BICRA: variants seen among roughly 807,000 people sequenced by gnomAD.
The protein encoded by BICRA is BRD4-interacting chromatin-remodeling complex-associated protein.
In BICRA, 31 loss-of-function variants were observed where a neutral mutation model predicts 96.9. That is an observed-to-expected ratio of 0.32 (90% CI 0.24 to 0.43). BICRA has a LOEUF of 0.43. Ranked by LOEUF, BICRA falls within the 20% of genes least tolerant of loss-of-function variation. BICRA has a pLI of 1.00. For synonymous variants in BICRA, 1,350 were observed against 1,071.8 expected (o/e 1.26, Z -5.07); for missense variants, 2,283 against 2,190.3 (o/e 1.04, Z -0.84).
At position 47,702,468 on chromosome 19, in the gene BICRA, T is replaced by C. The variant is rs3745760; in HGVS notation, c.*53T>C. 0.27 allele frequency: 381,652 copies of C among 1,412,996 alleles called. 55,108 individuals carry two copies. The highest frequency in any genetic ancestry group is 0.55 in the African/African-American group (35,964 of 65,790). 87.5% of individuals were successfully genotyped at this position (1,412,996 alleles called of 1,614,324 possible). A position where few individuals can be genotyped will look rare whatever the true frequency, so the allele number is the denominator to read the frequency against. Reference sequence around the variant, plus strand: ...CCTCCTCCCGAAGACGCCGGGACAGTCGGGTGTCCGCCCTCAGCCTCCTGG... The same window carrying C: ...CCTCCTCCCGAAGACGCCGGGACAGCCGGGTGTCCGCCCTCAGCCTCCTGG... On this transcript the variant is annotated 3_prime_UTR_variant, in exon 15 of 15. Transcript: ENST00000594866.
intron 1 of BICRA, among the ~76,000 whole-genome samples, chr19:47,612,071 A>G (rs2123500858): frequency 6.6e-6 from 1 of 152,160 alleles, no homozygotes; most frequent in Middle Eastern, 3.4e-3. Flanking sequence ...GGATTTCACC[A>G]TATTGGCCAG....
At chr19:47,695,618 C>T (rs1973328302) in intron 10 of BICRA, 144 bp downstream of exon 10, 6 of 609,948 alleles carry the variant, frequency 9.8e-6, no homozygotes, top group African/African-American at 7.4e-5. Flanking sequence ...CCACGAACAG[C>T]CGTGCAGGGA....
Position 47,694,207 on chromosome 19 carries a change from C to A in BICRA, c.2376C>A (p.Pro792=). Reference sequence around the variant, plus strand: ...CTCTGGGGGACAGCCCCCACCTGCCCTCCCCACACCCCACCCGGCCCCCTT... The same window carrying A: ...CTCTGGGGGACAGCCCCCACCTGCCATCCCCACACCCCACCCGGCCCCCTT... ...QAPLGDSPHL[P]SPHPTRPPSR... The change falls in exon 8 of 15, where the codon CCC becomes CCA. Residue 792 remains proline (P), a synonymous_variant. Coordinates refer to ENST00000594866, the MANE Select transcript of BICRA (RefSeq NM_001394372.1). 1.5e-6 allele frequency: 2 copies of A among 1,322,914 alleles called. No homozygotes were observed. Among genetic ancestry groups the A allele is most frequent in the Non-Finnish European group, 2.0e-6 (2 of 987,948 alleles). The allele number at this position is 1,322,914 out of a possible 1,614,324, so 81.9% of individuals were successfully genotyped here.
chr19:47,630,682 G>A (rs1972209408), intron 1 of BICRA, among the ~76,000 whole-genome samples: 1 of 152,170 alleles, frequency 6.6e-6, no homozygotes. Flanking sequence ...CTTGGGTCAT[G>A]TCCCCTTTTT....
At chr19:47,610,562 G>C (rs1355181859) in intron 1 of BICRA, among the ~76,000 whole-genome samples, 1 of 151,636 alleles carries the variant, frequency 6.6e-6, no homozygotes, top group African/African-American at 2.4e-5. Flanking sequence ...CTGGTGGGCT[G>C]CAGTCTGTGC....
chr19:47,639,424 T>C (rs2123533088), intron 1 of BICRA, among the ~76,000 whole-genome samples: 1 of 144,952 alleles, frequency 6.9e-6, no homozygotes, highest in Admixed American at 7.2e-5. Context: ...CCTCCCGGGT[T>C]GACACCATTC....
At chr19:47,619,157 A>T (rs1199495279) in intron 1 of BICRA, among the ~76,000 whole-genome samples, 3 of 151,496 alleles carry the variant, frequency 2.0e-5, no homozygotes, top group Non-Finnish European at 4.4e-5. Context: ...TTTTGTGTGT[A>T]TACTTACTCT....
intron 1 of BICRA, among the ~76,000 whole-genome samples, chr19:47,629,468 C>G (rs76724064): frequency 1.4e-4 from 21 of 152,252 alleles, no homozygotes; most frequent in Admixed American, 1.4e-3. Context: ...ATTGTATTGT[C>G]CTGAAGGCTT....
intron 1 of BICRA, among the ~76,000 whole-genome samples, chr19:47,655,082 T>G (rs923552608): frequency 4.6e-5 from 7 of 152,188 alleles, no homozygotes; most frequent in African/African-American, 1.7e-4. Context: ...GCAAAAAATT[T>G]GAGTCACCTG....
intron 1 of BICRA, among the ~76,000 whole-genome samples, chr19:47,641,271 A>T (rs537688217): frequency 6.6e-6 from 1 of 151,828 alleles, no homozygotes; most frequent in South Asian, 2.1e-4. Context: ...AGTGTGACAC[A>T]CCCATTTAAA....
Position 47,701,971 on chromosome 19 carries a change from C to T in BICRA, c.4239C>T (p.Ser1413=). The T allele has an allele frequency of 6.8e-7, 1 of 1,465,138 alleles. No individual in the cohort carries two copies. Among genetic ancestry groups the T allele is most frequent in the Non-Finnish European group, 8.9e-7 (1 of 1,118,484 alleles). 90.8% of individuals were successfully genotyped at this position (1,465,138 alleles called of 1,614,324 possible). ...GTPAGRARGG[S]PAPLPAKVDE... ...CCGCAGGCAGGGCACGGGGAGGCAGCCCGGCGCCGCTGCCCGCCAAAGTGG... is the reference window on the plus strand; with the variant it reads ...CCGCAGGCAGGGCACGGGGAGGCAGTCCGGCGCCGCTGCCCGCCAAAGTGG... Residue 1413 remains serine, a synonymous_variant, in exon 15 of 15, where the codon AGC becomes AGT. Transcript: ENST00000594866. The surrounding 1 kb of genome is among the most constrained non-coding windows in gnomAD (Gnocchi z 5.4).
chr19:47,702,142 C>T lies in BICRA; in HGVS notation c.4410C>T (p.Pro1470=), dbSNP rs773869782. 4 of 1,548,290 alleles carry T rather than the reference C, an allele frequency of 2.6e-6. No homozygotes were observed. In the African/African-American group the frequency reaches 4.2e-5, roughly 16 times the overall value. ...CCGACTGGGAGGCGCCCGGGCTGCC[C>T]CCTGCCAAGCGGCGCAAGTCCGAGT... ...GDPDWEAPGL[P]PAKRRKSESP... Residue 1470 remains proline, a synonymous_variant, in exon 15 of 15, where the codon CCC becomes CCT. Coordinates refer to ENST00000594866, the MANE Select transcript of BICRA (RefSeq NM_001394372.1).
chr19:47,695,280 G>C, intron 9 of BICRA, 85 bp from the exon 10 acceptor site: 1 of 792,552 alleles, frequency 1.3e-6, no homozygotes, highest in Non-Finnish European at 2.1e-6. Context: ...GAGAGCGGTG[G>C]GGTACAGGAT....
intron 1 of BICRA, among the ~76,000 whole-genome samples, chr19:47,614,604 G>A (rs1971956966): frequency 6.6e-6 from 1 of 152,202 alleles, no homozygotes; most frequent in East Asian, 1.9e-4. Context: ...CAGCCTGGGC[G>A]ACACAGCGAG....
intron 1 of BICRA, among the ~76,000 whole-genome samples, chr19:47,658,669 A>G (rs1190333591): frequency 2.7e-5 from 4 of 149,966 alleles, no homozygotes; most frequent in Admixed American, 2.7e-4. Flanking sequence ...AGCAGCTTCT[A>G]GAACAGTGGT....
At chr19:47,693,505 G>A (rs1312474710) in intron 7 of BICRA, among the ~76,000 whole-genome samples, 1 of 152,236 alleles carries the variant, frequency 6.6e-6, no homozygotes, top group Non-Finnish European at 1.5e-5. Context: ...AGGTCCACAC[G>A]TGGCTGTGAA....
At position 47,680,229 on chromosome 19, in the gene BICRA, C is replaced by G. The variant is rs1420977345; in HGVS notation, c.1059C>G (p.Pro353=). 8 of 1,560,456 alleles carry G rather than the reference C, an allele frequency of 5.1e-6. No homozygotes were observed. The highest frequency in any genetic ancestry group is 1.7e-4 in the Middle Eastern group (1 of 6,030). ...ATCGCACACCCACGCCCATCCAGCC[C>G]AAGCCCGCGGGGGTGCTGCCGCCCA... The part of the protein sequence containing the change: ...ILHRTPTPIQ[P]KPAGVLPPKL... Residue 353 remains proline (P), a synonymous_variant, in exon 6 of 15, where the codon CCC becomes CCG. Transcript: ENST00000594866.
In BICRA at chr19:47,673,711, C is replaced by T. The variant is rs1568566242; in HGVS notation, c.42-9C>T. On this transcript the variant is annotated splice_polypyrimidine_tract_variant and intron_variant, in intron 3 of 14. Transcript: ENST00000594866. ...TACCTCCTCAGCGTCTCTTCCTCTT[C>T]TCTTCCAGTGACCCACAGGCCCTCA... is the stretch of plus-strand genomic sequence containing the variant. 3.8e-6 allele frequency: 6 copies of T among 1,588,850 alleles called. No individual in the cohort carries two copies. In the East Asian group the frequency reaches 9.2e-5, roughly 24 times the overall value.
chr19:47,667,133 C>T (rs1298756870), intron 1 of BICRA, among the ~76,000 whole-genome samples: 12 of 152,110 alleles, frequency 7.9e-5, no homozygotes, highest in Non-Finnish European at 1.8e-4. Context: ...ATTCTCCTGC[C>T]TCAGCCTCCC....
Sources: gnomAD v4.1 joint callset for allele counts (sites outside exome capture counted in the v4.1 genomes callset) on GRCh38, gnomAD v4.1.1 for gene constraint, Gnocchi (gnomAD v3.1) non-coding constraint, MANE v1.5 for transcripts, NCBI Gene and HGNC (gene_info 2026-07-23, HGNC 2026-07-21) for gene names.